SPMIP4: variants seen among roughly 807,000 people sequenced by gnomAD.
SPMIP4 encodes sperm microtubule inner protein 4.
At chr7:25,139,021 G>C in the SPMIP4 span, among the ~76,000 whole-genome samples, 1 of 152,160 alleles carries the variant, frequency 6.6e-6, no homozygotes, top group African/African-American at 2.4e-5. Context: ...TGACTGGGAG[G>C]GGGTATGAGG....
At chr7:25,177,034 T>C in the SPMIP4 span, among the ~76,000 whole-genome samples, 1 of 152,242 alleles carries the variant, frequency 6.6e-6, no homozygotes, top group African/African-American at 2.4e-5. Flanking sequence ...ATGACTATTC[T>C]GCATAGCTTC....
chr7:25,134,782 A>G, the SPMIP4 span: 3 of 985,272 alleles, frequency 3.0e-6, no homozygotes, highest in Non-Finnish European at 2.4e-6. Context: ...TGTACACTAT[A>G]TCTCCCTCAC....
At chr7:25,179,077 A>G in the SPMIP4 span, 10 of 941,448 alleles carry the variant, frequency 1.1e-5, no homozygotes, top group Non-Finnish European at 1.5e-5. Flanking sequence ...AAGAAACAGA[A>G]GAGCCCCAGA....
the SPMIP4 span, chr7:25,168,555 A>G: frequency 6.5e-6 from 7 of 1,073,552 alleles, no homozygotes; most frequent in Admixed American, 2.8e-5. Context: ...CTACCACTTC[A>G]TAAGTATTTT....
At chr7:25,179,208 T>TGGAG in the SPMIP4 span, 1 of 1,612,504 alleles carries the variant, frequency 6.2e-7, no homozygotes, top group South Asian at 1.1e-5. Context: ...AGTAACCGTC[T>TGGAG]GGAGGGGGTT....
chr7:25,179,124 A>C, the SPMIP4 span: 1 of 1,538,212 alleles, frequency 6.5e-7, no homozygotes, highest in African/African-American at 1.4e-5. Flanking sequence ...AAAATACACG[A>C]ATACATTAAA....
chr7:25,150,503 A>C, the SPMIP4 span, among the ~76,000 whole-genome samples: 3 of 152,198 alleles, frequency 2.0e-5, no homozygotes, highest in Non-Finnish European at 2.9e-5. Context: ...TGCCAGGTAA[A>C]ATTCAAATGT....
At chr7:25,155,292 G>T in the SPMIP4 span, 1 of 1,046,238 alleles carries the variant, frequency 9.6e-7, no homozygotes, top group Non-Finnish European at 1.4e-6. Context: ...TTTTTTAAAT[G>T]GCAGAAACTG....
chr7:25,173,591 C>T, the SPMIP4 span, among the ~76,000 whole-genome samples: 3 of 152,216 alleles, frequency 2.0e-5, no homozygotes, highest in Admixed American at 1.3e-4. This position sits in a 1 kb window ranked among gnomAD's most constrained non-coding sequence, Gnocchi z 4.4. Flanking sequence ...AGAAGGGATG[C>T]TGGCATTCAG....
chr7:25,142,375 A>G, the SPMIP4 span: 1 of 1,386,184 alleles, frequency 7.2e-7, no homozygotes, highest in Non-Finnish European at 1.0e-6. Flanking sequence ...GGGTAAACGA[A>G]GAACGACAGT....
the SPMIP4 span, among the ~76,000 whole-genome samples, chr7:25,133,742 G>A: frequency 6.6e-6 from 1 of 152,196 alleles, no homozygotes; most frequent in African/African-American, 2.4e-5. Context: ...TGTGAACAGT[G>A]TACTCTCTGT....
At chr7:25,156,593 G>C in the SPMIP4 span, among the ~76,000 whole-genome samples, 2 of 152,112 alleles carry the variant, frequency 1.3e-5, no homozygotes, top group Non-Finnish European at 2.9e-5. Context: ...GCTTGATAGA[G>C]GACTCCTGTG....
chr7:25,161,975 A>T, the SPMIP4 span, among the ~76,000 whole-genome samples: 1 of 152,138 alleles, frequency 6.6e-6, no homozygotes, highest in Non-Finnish European at 1.5e-5. Context: ...TTTGATCATC[A>T]AATTTAATTA....
At chr7:25,136,494 T>A in the SPMIP4 span, 3 of 1,614,212 alleles carry the variant, frequency 1.9e-6, no homozygotes, top group East Asian at 6.7e-5. The surrounding 1 kb of genome is among the most constrained non-coding windows in gnomAD (Gnocchi z 5.7). Context: ...TTAGGTCTTT[T>A]GTTGGGTAAC....
chr7:25,135,961 G>T, the SPMIP4 span: 1 of 1,572,620 alleles, frequency 6.4e-7, no homozygotes, highest in South Asian at 1.2e-5. Flanking sequence ...TTGAAGGGAA[G>T]AATGAGTATC....
At chr7:25,174,553 C>T in the SPMIP4 span, among the ~76,000 whole-genome samples, 81 of 152,186 alleles carry the variant, frequency 5.3e-4, no homozygotes, top group African/African-American at 2.0e-3. This position sits in a 1 kb window ranked among gnomAD's most constrained non-coding sequence, Gnocchi z 4.5. Flanking sequence ...AAACATGACC[C>T]GCATTTTTAG....
chr7:25,147,400 A>G, the SPMIP4 span, among the ~76,000 whole-genome samples: 33 of 152,178 alleles, frequency 2.2e-4, no homozygotes, highest in Admixed American at 3.9e-4. Context: ...TCTCAGTGGG[A>G]AGAGAAGGGT....
At chr7:25,134,234 C>T in the SPMIP4 span, among the ~76,000 whole-genome samples, 24 of 151,180 alleles carry the variant, frequency 1.6e-4, no homozygotes, top group Admixed American at 3.3e-4. Flanking sequence ...CATTCCAGCC[C>T]AGGCAACAGT....
chr7:25,142,621 T>C, the SPMIP4 span: 89 of 1,585,958 alleles, frequency 5.6e-5, no homozygotes, highest in East Asian at 2.0e-3. Flanking sequence ...TTTTTACTTG[T>C]ATGAAAGTGA....
Sources: allele counts gnomAD v4.1 joint callset (sites outside exome capture counted in the v4.1 genomes callset), GRCh38; gene constraint gnomAD v4.1.1; non-coding constraint Gnocchi (gnomAD v3.1); transcripts MANE v1.5; gene names NCBI Gene and HGNC (gene_info 2026-07-23, HGNC 2026-07-21).